Variants in NCOA7 observed in about 807,000 individuals in gnomAD.
NCOA7 encodes nuclear receptor coactivator 7.
NCOA7 carries 45 observed loss-of-function variants against 104.3 expected under a neutral mutation model. The ratio of observed to expected loss-of-function variants is 0.43; its 90% confidence interval spans 0.34 to 0.55. The LOEUF (loss-of-function observed/expected upper bound fraction) is 0.55. Ranked by LOEUF, NCOA7 falls within the 20% of genes least tolerant of loss-of-function variation. The probability of loss-of-function intolerance (pLI) is 0.02; values close to 1 mark genes in which losing one functional copy is unlikely to be tolerated. For synonymous variants in NCOA7, 398 were observed against 402.3 expected (o/e 0.99, Z 0.13); for missense variants, 1,041 against 1,119.7 (o/e 0.93, Z 1.00).
Position 125,890,704 on chromosome 6 carries a change from G to A in NCOA7, c.1990G>A (p.Gly664Arg). The change falls in exon 10 of 16, where the codon GGA (glycine) becomes AGA (arginine). Residue 664 changes from glycine to arginine, a missense_variant. Around this residue, in one of 2 missense-constraint regions of NCOA7, gnomAD observed 914 missense variants for 942.7 expected, o/e 0.97. Coordinates refer to ENST00000392477, the MANE Select transcript of NCOA7 (RefSeq NM_181782.5). ...TPPMFLCIKVGKPMRKSFATH... is the reference protein window; with the variant it reads ...TPPMFLCIKVRKPMRKSFATH... ...ACCCATGTTCCTGTGCATCAAAGTG[G>A]GAAAACCAATGAGAAAATCCTTTGC... 1 of 1,613,706 alleles carries A rather than the reference G, an allele frequency of 6.2e-7. No homozygotes were observed. Among genetic ancestry groups the A allele is most frequent in the Non-Finnish European group, 8.5e-7 (1 of 1,179,858 alleles).
At position 125,874,909 on chromosome 6, in the gene NCOA7, CATG is replaced by C; in HGVS notation, c.295_297del (p.Asp99del). 1 of 1,613,070 alleles carries C rather than the reference CATG, an allele frequency of 6.2e-7. No homozygotes were observed. Among genetic ancestry groups the C allele is most frequent in the Non-Finnish European group, 8.5e-7 (1 of 1,179,238 alleles). On this transcript the variant is annotated inframe_deletion, in exon 4 of 16. Transcript: ENST00000392477. Reference sequence around the variant, plus strand: ...TTCAGATGACAATCAAAACAAAACACATGATAAAAAAGAGAAGAAGATGGTGGT... The same window carrying C: ...TTCAGATGACAATCAAAACAAAACACATAAAAAAGAGAAGAAGATGGTGGT...
At chr6:125,927,296 A>G (rs1028907396) in intron 13 of NCOA7, among the ~76,000 whole-genome samples, 1 of 152,198 alleles carries the variant, frequency 6.6e-6, no homozygotes, top group African/African-American at 2.4e-5. Context: ...TGTGAGCAAG[A>G]TGTATCTTCT....
chr6:125,918,745 C>T lies in NCOA7; in HGVS notation c.2245-2198C>T, dbSNP rs145248788. ...GACATCTTTCACAACCTCATGTAAA[C>T]CAGATGTTTTCCCATTCTTTTAAGT... On this transcript the variant is annotated intron_variant, in intron 11 of 15. Coordinates refer to ENST00000392477, the MANE Select transcript of NCOA7 (RefSeq NM_181782.5). 8.1e-4 allele frequency among the ~76,000 whole-genome samples: 124 copies of T among 152,220 alleles called. 2 individuals are homozygous for T. The highest frequency in any genetic ancestry group is 2.9e-3 in the African/African-American group (119 of 41,530).
At chr6:125,866,226 G>A in intron 3 of NCOA7, among the ~76,000 whole-genome samples, 1 of 152,034 alleles carries the variant, frequency 6.6e-6, no homozygotes, top group South Asian at 2.1e-4. Flanking sequence ...CTGTTCAGGA[G>A]GCTGAGGCAG....
intron 10 of NCOA7, among the ~76,000 whole-genome samples, chr6:125,901,039 C>T (rs978468925): frequency 6.6e-6 from 1 of 152,170 alleles, no homozygotes; most frequent in Non-Finnish European, 1.5e-5. Flanking sequence ...CAGAATGGAA[C>T]CCCCAGAAGT....
rs180994842 is a variant in NCOA7, at chr6:125,861,265, A to G, written c.271+6025A>G. ...CACAAAGGCAGCCCAACACTTTTCCATACACAGATTACTTTTTCTTAATGT... is the reference window on the plus strand; with the variant it reads ...CACAAAGGCAGCCCAACACTTTTCCGTACACAGATTACTTTTTCTTAATGT... On this transcript the variant is annotated intron_variant, in intron 3 of 15. Transcript: ENST00000392477. 7.1e-3 allele frequency among the ~76,000 whole-genome samples: 1,085 copies of G among 152,314 alleles called. 10 individuals carry two copies. Among genetic ancestry groups the G allele is most frequent in the African/African-American group, 0.025 (1,032 of 41,566 alleles).
At chr6:125,901,995 A>G (rs1223260352) in intron 10 of NCOA7, among the ~76,000 whole-genome samples, 1 of 152,086 alleles carries the variant, frequency 6.6e-6, no homozygotes, top group South Asian at 2.1e-4. Context: ...TCCTCTCAGC[A>G]TTCAGGCGCT....
At position 125,928,167 on chromosome 6, in the gene NCOA7, C is replaced by A. The variant is rs777570736; in HGVS notation, c.2620-7C>A. Reference sequence around the variant, plus strand: ...GTCTGTTTTCTTTTTTGTGTTTCTTCCCCAAGGTCTTTAAGTGGAGTGGAG... The same window carrying A: ...GTCTGTTTTCTTTTTTGTGTTTCTTACCCAAGGTCTTTAAGTGGAGTGGAG... On this transcript the variant is annotated splice_region_variant and splice_polypyrimidine_tract_variant and intron_variant, in intron 14 of 15. Transcript: ENST00000392477. 6.2e-7 allele frequency: 1 copy of A among 1,607,818 alleles called. No individual in the cohort carries two copies. Among genetic ancestry groups the A allele is most frequent in the East Asian group, 2.2e-5 (1 of 44,852 alleles).
intron 1 of NCOA7, among the ~76,000 whole-genome samples, chr6:125,801,570 T>G (rs929164386): frequency 3.3e-5 from 5 of 152,222 alleles, no homozygotes; most frequent in Admixed American, 6.5e-5. Context: ...TCTCACTTTC[T>G]GGAAGCTAGA....
intron 3 of NCOA7, among the ~76,000 whole-genome samples, chr6:125,870,490 A>G (rs1246435774): frequency 6.6e-6 from 1 of 152,026 alleles, no homozygotes; most frequent in Non-Finnish European, 1.5e-5. Context: ...TATATCAGCC[A>G]TATTTTTTTC....
chr6:125,803,956 TC>T (rs1776166469), intron 1 of NCOA7, among the ~76,000 whole-genome samples: 1 of 151,520 alleles, frequency 6.6e-6, no homozygotes. Context: ...TTTTTTTTTT[TC>T]CTCTCCTGAA....
intron 11 of NCOA7, chr6:125,919,568 C>T (rs559180131): frequency 9.6e-6 from 8 of 831,570 alleles, no homozygotes; most frequent in Admixed American, 5.2e-5. Context: ...TTATTCATTG[C>T]GGAGAGGGTT....
Position 125,801,403 on chromosome 6 carries a change from C to T in NCOA7, c.-65+10336C>T, listed in dbSNP as rs924883888. ...GCATTTCCTTTAAATTATAAGAGAA[C>T]GTGGCAGAATGGACATGTTGGGAAA... On this transcript the variant is annotated intron_variant, in intron 1 of 15. Coordinates refer to ENST00000392477, the MANE Select transcript of NCOA7 (RefSeq NM_181782.5). Among the ~76,000 whole-genome samples, 47 of 152,072 alleles carry T rather than the reference C, an allele frequency of 3.1e-4. 1 individual carries two copies. Among genetic ancestry groups the T allele is most frequent in the African/African-American group, 2.9e-4 (12 of 41,402 alleles).
intron 11 of NCOA7, chr6:125,919,451 G>A (rs536155719): frequency 6.1e-5 from 99 of 1,611,054 alleles, no homozygotes; most frequent in Middle Eastern, 1.7e-4. Flanking sequence ...AGTGCGTCCC[G>A]AGGGCTAATA....
chr6:125,839,439 T>C (rs1241039886), intron 2 of NCOA7, among the ~76,000 whole-genome samples: 1 of 152,100 alleles, frequency 6.6e-6, no homozygotes, highest in African/African-American at 2.4e-5. Flanking sequence ...GATTTAACTC[T>C]ATCTGCTGTC....
Position 125,915,399 on chromosome 6 carries a change from G to T in NCOA7, c.2163G>T (p.Glu721Asp), listed in dbSNP as rs747085438. Reference protein sequence around the residue: ...SPDVYGKDAKEQGFVVVEKEE... With the variant: ...SPDVYGKDAKDQGFVVVEKEE... ...ATGTCTATGGAAAAGATGCCAAAGA[G>T]CAAGGCTTTGTGGTGGTGGAGAAGG... The change falls in exon 11 of 16, where the codon GAG becomes GAT. Residue 721 changes from glutamate (E) to aspartate (D), a missense_variant. Glu to Asp is a conservative substitution (Grantham distance 45). Coordinates refer to ENST00000392477, the MANE Select transcript of NCOA7 (RefSeq NM_181782.5). 10 of 1,613,928 alleles carry T rather than the reference G, an allele frequency of 6.2e-6. No individual in the cohort carries two copies. In the South Asian group the frequency reaches 1.1e-4, roughly 18 times the overall value.
chr6:125,899,198 T>C (rs1486334562), intron 10 of NCOA7, among the ~76,000 whole-genome samples: 6 of 152,218 alleles, frequency 3.9e-5, no homozygotes, highest in Admixed American at 1.3e-4. Context: ...CCTAAGGACC[T>C]TCATGAAGAC....
intron 1 of NCOA7, among the ~76,000 whole-genome samples, chr6:125,803,416 G>A (rs979250335): frequency 2.6e-5 from 4 of 152,122 alleles, no homozygotes; most frequent in African/African-American, 9.7e-5. Flanking sequence ...CAGATAAATA[G>A]TACAGTTGTA....
At chr6:125,897,327 T>G (rs188184869) in intron 10 of NCOA7, among the ~76,000 whole-genome samples, 4 of 152,338 alleles carry the variant, frequency 2.6e-5, no homozygotes, top group African/African-American at 9.6e-5. Context: ...CCCCAGGATA[T>G]TCAATGGAAA....
Sources: allele counts gnomAD v4.1 joint callset (sites outside exome capture counted in the v4.1 genomes callset), GRCh38; gene constraint gnomAD v4.1.1; regional missense constraint gnomAD v4.1.1; transcripts MANE v1.5; gene names NCBI Gene and HGNC (gene_info 2026-07-23, HGNC 2026-07-21).